GRB10: variants seen among roughly 807,000 people sequenced by gnomAD.
GRB10 encodes growth factor receptor-bound protein 10.
A neutral mutation model predicts 80.9 loss-of-function variants in GRB10; 20 were observed. The ratio of observed to expected loss-of-function variants is 0.25; its 90% CI spans 0.17 to 0.36. GRB10 has a LOEUF of 0.36. Among genes scored for constraint, GRB10 ranks in the 10% least tolerant of loss-of-function variants. GRB10 has a pLI of 1.00. For synonymous variants in GRB10, 291 were observed against 291.5 expected, an observed-to-expected ratio of 1.00 and a Z score of 0.02; for missense variants, 548 against 747.7, an observed-to-expected ratio of 0.73 and a Z score of 3.12.
intron 7 of GRB10, among the ~76,000 whole-genome samples, chr7:50,664,918 AC>A (rs1421334511): frequency 6.6e-6 from 1 of 152,182 alleles, no homozygotes; most frequent in East Asian, 1.9e-4. Flanking sequence ...TAATTTCACC[AC>A]CTTTTAGAGG....
At chr7:50,697,550 T>A (rs1162252757) in intron 5 of GRB10, among the ~76,000 whole-genome samples, 1 of 152,206 alleles carries the variant, frequency 6.6e-6, no homozygotes, top group Admixed American at 6.5e-5. Flanking sequence ...TCACAGCTAA[T>A]CTTTTATTCT....
At chr7:50,643,771 G>A (rs1452221538) in intron 7 of GRB10, among the ~76,000 whole-genome samples, 1 of 152,128 alleles carries the variant, frequency 6.6e-6, no homozygotes, top group African/African-American at 2.4e-5. Flanking sequence ...ACATATAAAT[G>A]TATATATGTG....
At chr7:50,627,816 C>A (rs1285958647) in intron 7 of GRB10, among the ~76,000 whole-genome samples, 1 of 152,248 alleles carries the variant, frequency 6.6e-6, no homozygotes, top group East Asian at 1.9e-4. Flanking sequence ...TAAATTGCGA[C>A]TGCCTCTTGC....
intron 5 of GRB10, among the ~76,000 whole-genome samples, chr7:50,697,323 G>GT (rs2063563482): frequency 6.6e-6 from 1 of 152,184 alleles, no homozygotes; most frequent in African/African-American, 2.4e-5. Flanking sequence ...ATAAAGAAAG[G>GT]TTTTTTCAAA....
chr7:50,744,566 T>A (rs1587771935), intron 3 of GRB10, among the ~76,000 whole-genome samples: 1 of 152,350 alleles, frequency 6.6e-6, no homozygotes, highest in East Asian at 1.9e-4. Context: ...AGTTATTACA[T>A]ACTGTATTCT....
intron 3 of GRB10, 128 bp downstream of exon 3, chr7:50,755,759 A>C (rs940874453): frequency 1.2e-4 from 47 of 397,292 alleles, no homozygotes; most frequent in African/African-American, 8.8e-4. Flanking sequence ...GGAACCTTGG[A>C]ATAAAGGTTC....
At chr7:50,627,125 CCA>C in intron 7 of GRB10, 147 bp from the exon 8 acceptor site, 1 of 796,338 alleles carries the variant, frequency 1.3e-6, no homozygotes, top group Non-Finnish European at 2.2e-6. Flanking sequence ...CAGGTCCCCA[CCA>C]GCTGCAGGGA....
rs1455749862 is a variant in GRB10 at position 50,697,303 on chromosome 7, T to A, written c.139+6518A>T. 2.0e-5 allele frequency among the ~76,000 whole-genome samples: 3 copies of A among 152,242 alleles called. No homozygotes were observed. The East Asian group carries it at 5.8e-4, about 29-fold the overall frequency. The stretch of plus-strand genomic sequence containing the variant: ...GACTAAAATGGTTAATTTTGTTTTA[T>A]ATATTTTTAATAAAGAAAGGTTTTT... On this transcript the variant is annotated intron_variant, in intron 5 of 18. Coordinates refer to ENST00000401949, the MANE Select transcript of GRB10 (RefSeq NM_001350814.2).
intron 5 of GRB10, among the ~76,000 whole-genome samples, chr7:50,689,558 G>A (rs771003701): frequency 1.3e-5 from 2 of 152,062 alleles, no homozygotes; most frequent in African/African-American, 2.4e-5. Context: ...GCTGAGTCTC[G>A]GGGCGCCCTC....
chr7:50,604,842 G>GTTTTTT, intron 15 of GRB10: 1 of 290,970 alleles, frequency 3.4e-6, no homozygotes, highest in Non-Finnish European at 6.5e-6. Flanking sequence ...CTTAGAAGCC[G>GTTTTTT]AGTGATAGTC....
chr7:50,734,354 C>T (rs1230328628), intron 3 of GRB10, among the ~76,000 whole-genome samples: 3 of 152,202 alleles, frequency 2.0e-5, no homozygotes, highest in African/African-American at 7.2e-5. Flanking sequence ...ACCTGTTTCT[C>T]TCCCCTTCGC....
At chr7:50,603,049 T>G (rs1475681836) in intron 17 of GRB10, among the ~76,000 whole-genome samples, 1 of 152,126 alleles carries the variant, frequency 6.6e-6, no homozygotes, top group Non-Finnish European at 1.5e-5. Context: ...ATGTGAAAAT[T>G]TCCGTAATAA....
At chr7:50,606,154 CCT>C (rs1320688447) in intron 14 of GRB10, among the ~76,000 whole-genome samples, 181 bp downstream of exon 14, 7 of 152,176 alleles carry the variant, frequency 4.6e-5, no homozygotes, top group African/African-American at 1.7e-4. Context: ...GAATTCACTC[CCT>C]GTCGTTGCAC....
chr7:50,706,381 C>T (rs1339088052), intron 4 of GRB10, among the ~76,000 whole-genome samples: 2 of 152,166 alleles, frequency 1.3e-5, no homozygotes, highest in Non-Finnish European at 2.9e-5. Context: ...AAACTTTGTC[C>T]ACATTTCTGA....
At chr7:50,776,127 G>C (rs949765902) in intron 2 of GRB10, among the ~76,000 whole-genome samples, 1 of 152,090 alleles carries the variant, frequency 6.6e-6, no homozygotes, top group African/African-American at 2.4e-5. Context: ...CTTATCAAAA[G>C]GTCACTTGGC....
chr7:50,765,464 G>A (rs2076243818), intron 2 of GRB10, among the ~76,000 whole-genome samples: 1 of 152,228 alleles, frequency 6.6e-6, no homozygotes, highest in Non-Finnish European at 1.5e-5. Flanking sequence ...CATACACACA[G>A]TGGAGTGCTA....
At chr7:50,672,972 G>T (rs191667558) in intron 6 of GRB10, among the ~76,000 whole-genome samples, 18 of 152,320 alleles carry the variant, frequency 1.2e-4, no homozygotes, top group Middle Eastern at 3.4e-3. Flanking sequence ...AGGGGAAGCC[G>T]GGGTGGGAAG....
In GRB10 at chr7:50,741,676, C is replaced by A. The variant is rs570142530; in HGVS notation, c.-46-9308G>T. Reference sequence around the variant, plus strand: ...TCCTAGACAATTAGGACAATGCACACCCCCATGTGTCAAGACAAATAAAAT... The same window carrying A: ...TCCTAGACAATTAGGACAATGCACAACCCCATGTGTCAAGACAAATAAAAT... On this transcript the variant is annotated intron_variant, in intron 3 of 18. Coordinates refer to ENST00000401949, the MANE Select transcript of GRB10 (RefSeq NM_001350814.2). 2.0e-5 allele frequency among the ~76,000 whole-genome samples: 3 copies of A among 151,438 alleles called. No homozygotes were observed. The South Asian group carries it at 6.3e-4, about 32-fold the overall frequency.
At chr7:50,677,465 G>A (rs958934740) in intron 5 of GRB10, among the ~76,000 whole-genome samples, 2 of 152,138 alleles carry the variant, frequency 1.3e-5, no homozygotes, top group African/African-American at 4.8e-5. Flanking sequence ...CTGCTGGAGC[G>A]AAAATTGCAG....
Sources: allele counts gnomAD v4.1 joint callset (sites outside exome capture counted in the v4.1 genomes callset), GRCh38; gene constraint gnomAD v4.1.1; transcripts MANE v1.5; gene names NCBI Gene and HGNC (gene_info 2026-07-23, HGNC 2026-07-21).